Variants in TMEM132C observed in about 807,000 individuals in gnomAD.
TMEM132C encodes the protein protein phosphatase 1, regulatory subunit 152.
A neutral mutation model predicts 61.4 loss-of-function variants in TMEM132C; 29 were observed. That is an observed-to-expected ratio of 0.47 (90% CI 0.35 to 0.64). The LOEUF is 0.64. TMEM132C is among the 30% of genes least tolerant of loss of function. The pLI is 0.00. For synonymous variants in TMEM132C, 656 were observed against 633.1 expected, an observed-to-expected ratio of 1.04 and a Z score of -0.54; for missense variants, 1,408 against 1,476.9, an observed-to-expected ratio of 0.95 and a Z score of 0.76.
At chr12:128,639,956 C>A (rs1159465340) in intron 4 of TMEM132C, among the ~76,000 whole-genome samples, 3 of 152,182 alleles carry the variant, frequency 2.0e-5, no homozygotes, top group Non-Finnish European at 4.4e-5. Flanking sequence ...GTTGTTCATA[C>A]TTATTGTTTG....
At chr12:128,559,122 C>T (rs1223161263) in intron 3 of TMEM132C, among the ~76,000 whole-genome samples, 3 of 151,520 alleles carry the variant, frequency 2.0e-5, no homozygotes. Context: ...CACAAACACA[C>T]ACACAGACAC....
intron 2 of TMEM132C, among the ~76,000 whole-genome samples, chr12:128,449,197 T>C (rs1411909631): frequency 6.6e-6 from 1 of 150,788 alleles, no homozygotes; most frequent in African/African-American, 2.4e-5. Flanking sequence ...TATTTTACCT[T>C]AAAAATCAGA....
At chr12:128,514,987 T>C (rs1328093442) in intron 2 of TMEM132C, among the ~76,000 whole-genome samples, 1 of 152,258 alleles carries the variant, frequency 6.6e-6, no homozygotes, top group African/African-American at 2.4e-5. Context: ...CAAAACTACT[T>C]ATGGTGTCTA....
At chr12:128,515,938 A>T (rs1009032946) in intron 2 of TMEM132C, among the ~76,000 whole-genome samples, 1 of 152,168 alleles carries the variant, frequency 6.6e-6, no homozygotes, top group Non-Finnish European at 1.5e-5. Context: ...GATCCACAGG[A>T]TACAGGATTA....
intron 3 of TMEM132C, among the ~76,000 whole-genome samples, chr12:128,572,199 C>T (rs533480107): frequency 6.6e-6 from 1 of 150,918 alleles, no homozygotes; most frequent in African/African-American, 2.4e-5. Context: ...GCCCACTGTG[C>T]CACACTGCTG....
At chr12:128,522,220 G>A (rs568762118) in intron 2 of TMEM132C, among the ~76,000 whole-genome samples, 5 of 152,240 alleles carry the variant, frequency 3.3e-5, no homozygotes, top group South Asian at 4.1e-4. Context: ...AATTAGCCGC[G>A]CACACATCAA....
intron 2 of TMEM132C, among the ~76,000 whole-genome samples, chr12:128,539,121 C>T (rs371306395): frequency 2.4e-4 from 37 of 152,204 alleles, no homozygotes; most frequent in South Asian, 8.3e-4. Context: ...AAGTCTTTGC[C>T]GGAATCTTCT....
intron 5 of TMEM132C, among the ~76,000 whole-genome samples, chr12:128,682,097 A>T (rs1291950467): frequency 6.6e-6 from 1 of 152,100 alleles, no homozygotes; most frequent in Non-Finnish European, 1.5e-5. Flanking sequence ...CTAACCTCTG[A>T]GCCAATTGCT....
intron 3 of TMEM132C, among the ~76,000 whole-genome samples, chr12:128,608,953 A>C (rs1169184153): frequency 1.3e-5 from 2 of 152,038 alleles, no homozygotes; most frequent in Non-Finnish European, 2.9e-5. Flanking sequence ...TGCTTCTGTA[A>C]ATTTTTAGGC....
chr12:128,374,234 C>CTGAAACTAGG (rs1469356851), intron 1 of TMEM132C, among the ~76,000 whole-genome samples: 2 of 152,148 alleles, frequency 1.3e-5, no homozygotes, highest in African/African-American at 4.8e-5. Context: ...AACAACGGGA[C>CTGAAACTAGG]TGAAACTAGG....
intron 4 of TMEM132C, among the ~76,000 whole-genome samples, chr12:128,633,142 C>T (rs892618443): frequency 1.3e-5 from 2 of 152,124 alleles, no homozygotes; most frequent in African/African-American, 4.8e-5. Context: ...GGTCTCCTCA[C>T]CTGGCTGGCA....
At chr12:128,613,011 T>C (rs80211616) in intron 3 of TMEM132C, among the ~76,000 whole-genome samples, 1 of 152,312 alleles carries the variant, frequency 6.6e-6, no homozygotes, top group Non-Finnish European at 1.5e-5. Flanking sequence ...ATGATGTGAG[T>C]GGTTGCAATG....
chr12:128,492,361 T>C (rs1476161480), intron 2 of TMEM132C, among the ~76,000 whole-genome samples: 15 of 152,342 alleles, frequency 9.8e-5, no homozygotes, highest in East Asian at 7.7e-4. Flanking sequence ...TTTGGGTATA[T>C]ACCCAGTAAT....
intron 1 of TMEM132C, among the ~76,000 whole-genome samples, chr12:128,310,605 C>G (rs1456632886): frequency 1.3e-5 from 2 of 152,022 alleles, no homozygotes; most frequent in Non-Finnish European, 2.9e-5. Flanking sequence ...TGTTCATCAC[C>G]AAGGAGATGA....
rs73440660 is a variant in TMEM132C at position 128,463,204 on chromosome 12, C to T, written c.974+47584C>T. Reference sequence around the variant, plus strand: ...GGCCTCATCTTTATATATAACCTACCGCAATTATATCAGATGGCCTCATCT... The same window carrying T: ...GGCCTCATCTTTATATATAACCTACTGCAATTATATCAGATGGCCTCATCT... On this transcript the variant is annotated intron_variant, in intron 2 of 8. Transcript: ENST00000435159. Among the ~76,000 whole-genome samples the T allele has an allele frequency of 6.4e-3, 970 of 152,230 alleles. 9 individuals carry two copies. Among genetic ancestry groups the T allele is most frequent in the African/African-American group, 0.022 (902 of 41,538 alleles).
chr12:128,686,098 A>G (rs865774650), intron 5 of TMEM132C, among the ~76,000 whole-genome samples: 4 of 147,152 alleles, frequency 2.7e-5, no homozygotes, highest in Non-Finnish European at 4.4e-5. Flanking sequence ...TTGTGTGCGC[A>G]TGTGTGTGCA....
intron 2 of TMEM132C, among the ~76,000 whole-genome samples, chr12:128,452,713 C>A (rs914034500): frequency 1.6e-4 from 24 of 151,294 alleles, no homozygotes; most frequent in Non-Finnish European, 7.4e-5. Context: ...CAAAAAAAAA[C>A]CAAAAACAAA....
chr12:128,555,889 T>G (rs1326573966), intron 3 of TMEM132C, among the ~76,000 whole-genome samples: 1 of 152,066 alleles, frequency 6.6e-6, no homozygotes, highest in Non-Finnish European at 1.5e-5. Context: ...TAGTTTTTGT[T>G]TTTTTGTGTG....
chr12:128,614,531 A>G (rs1876735418), intron 3 of TMEM132C, among the ~76,000 whole-genome samples: 1 of 152,182 alleles, frequency 6.6e-6, no homozygotes, highest in South Asian at 2.1e-4. Flanking sequence ...AAGGATCTGT[A>G]AAGAGCATTG....
Sources: allele counts gnomAD v4.1 joint callset (sites outside exome capture counted in the v4.1 genomes callset), GRCh38; gene constraint gnomAD v4.1.1; transcripts MANE v1.5; gene names NCBI Gene and HGNC (gene_info 2026-07-23, HGNC 2026-07-21).